HECW1: variants seen among roughly 807,000 people sequenced by gnomAD.
The protein encoded by HECW1 is HECT, C2 and WW domain containing E3 ubiquitin protein ligase 1.
HECW1 carries 61 observed loss-of-function variants against 182.3 expected under a neutral mutation model. The ratio of observed to expected loss-of-function variants is 0.33; its 90% CI spans 0.27 to 0.41. The LOEUF (loss-of-function observed/expected upper bound fraction) is 0.41. Among genes scored for constraint, HECW1 ranks in the 10% least tolerant of loss-of-function variants. The pLI is 1.00. For synonymous variants in HECW1, 859 were observed against 832.6 expected (o/e 1.03, Z -0.55); for missense variants, 1,739 against 2,108.9 (o/e 0.82, Z 3.44).
intron 3 of HECW1, among the ~76,000 whole-genome samples, chr7:43,256,706 A>C (rs1296659375): frequency 2.6e-5 from 4 of 152,152 alleles, no homozygotes; most frequent in African/African-American, 9.7e-5. Context: ...TAAGTAGTAC[A>C]TTAGCTTAAT....
intron 2 of HECW1, among the ~76,000 whole-genome samples, chr7:43,234,403 A>G (rs1798128922): frequency 6.6e-6 from 1 of 152,106 alleles, no homozygotes; most frequent in South Asian, 2.1e-4. Context: ...GAAGCCTAAC[A>G]CAACCCGGCC....
At chr7:43,365,414 A>C (rs1816509056) in intron 6 of HECW1, among the ~76,000 whole-genome samples, 1 of 150,690 alleles carries the variant, frequency 6.6e-6, no homozygotes, top group African/African-American at 2.5e-5. Context: ...AGCAATCGGG[A>C]AAGGCCACCA....
chr7:43,247,973 GGAAA>G (rs138377876), intron 3 of HECW1, among the ~76,000 whole-genome samples: 20,616 of 127,920 alleles, frequency 0.16, 2,579 homozygotes, highest in African/African-American at 0.25. Flanking sequence ...AAAAGAGAAA[GGAAA>G]GAAGGAAGGA....
At chr7:43,420,750 G>T (rs1207879666) in intron 8 of HECW1, among the ~76,000 whole-genome samples, 1 of 152,164 alleles carries the variant, frequency 6.6e-6, no homozygotes, top group Non-Finnish European at 1.5e-5. Context: ...TGCAGAGGAG[G>T]AATATGGTTA....
chr7:43,526,680 C>T (rs1487477225), intron 24 of HECW1, among the ~76,000 whole-genome samples: 1 of 152,230 alleles, frequency 6.6e-6, no homozygotes, highest in African/African-American at 2.4e-5. Context: ...TCTAAACCTT[C>T]ACCTTCCTGT....
chr7:43,159,662 T>C (rs1790300661), intron 2 of HECW1, among the ~76,000 whole-genome samples: 1 of 151,248 alleles, frequency 6.6e-6, no homozygotes, highest in African/African-American at 2.4e-5. Flanking sequence ...TGAAAGCATT[T>C]CCTATTTCCT....
At position 43,562,820 on chromosome 7, in the gene HECW1, A is replaced by G. The variant is rs532688290; in HGVS notation, c.*894A>G. Reference sequence around the variant, plus strand: ...TGGCAATGCCAACTGGAGAAAGGGAAGAAGGACATATTACCTTGGTTTGAA... The same window carrying G: ...TGGCAATGCCAACTGGAGAAAGGGAGGAAGGACATATTACCTTGGTTTGAA... On this transcript the variant is annotated 3_prime_UTR_variant, in exon 30 of 30. Transcript: ENST00000395891. 85 of 216,920 alleles carry G rather than the reference A, an allele frequency of 3.9e-4. 1 individual carries two copies. The South Asian group carries it at 0.015, about 39-fold the overall frequency. 13.4% of individuals were successfully genotyped at this position (216,920 alleles called of 1,614,324 possible).
At chr7:43,521,560 C>T (rs1045571455) in intron 24 of HECW1, among the ~76,000 whole-genome samples, 1 of 152,162 alleles carries the variant, frequency 6.6e-6, no homozygotes, top group Non-Finnish European at 1.5e-5. Flanking sequence ...TGAAACTTAA[C>T]CCCCAAGGTG....
chr7:43,351,546 G>A (rs1814451641), intron 5 of HECW1, among the ~76,000 whole-genome samples: 1 of 152,128 alleles, frequency 6.6e-6, no homozygotes, highest in South Asian at 2.1e-4. Flanking sequence ...TGTGGCTGCT[G>A]TGGGGGATGG....
intron 7 of HECW1, among the ~76,000 whole-genome samples, chr7:43,403,170 A>T (rs1482657159): frequency 1.3e-5 from 2 of 152,230 alleles, no homozygotes; most frequent in Non-Finnish European, 2.9e-5. Context: ...GATTAACAAG[A>T]GAAAAACAAA....
intron 5 of HECW1, among the ~76,000 whole-genome samples, chr7:43,353,661 T>A (rs929709267): frequency 6.6e-6 from 1 of 152,058 alleles, no homozygotes; most frequent in Non-Finnish European, 1.5e-5. Context: ...TGGCACCAAG[T>A]GCATGGAAAA....
At chr7:43,292,045 A>G (rs1805462096) in intron 3 of HECW1, among the ~76,000 whole-genome samples, 3 of 152,224 alleles carry the variant, frequency 2.0e-5, no homozygotes, top group Admixed American at 2.0e-4. Context: ...GCTGAGAGAG[A>G]GAAACTCTTA....
intron 24 of HECW1, among the ~76,000 whole-genome samples, chr7:43,533,408 C>A (rs2081065710): frequency 6.6e-6 from 1 of 152,102 alleles, no homozygotes; most frequent in African/African-American, 2.4e-5. Context: ...TGTCAACCTA[C>A]AGGTGGTAGG....
intron 6 of HECW1, among the ~76,000 whole-genome samples, chr7:43,373,531 C>T (rs1210986877): frequency 6.6e-6 from 1 of 151,914 alleles, no homozygotes; most frequent in Non-Finnish European, 1.5e-5. Context: ...TTATTTTTTT[C>T]TTTGCCTGTG....
chr7:43,504,980 G>A (rs1315719182), intron 21 of HECW1, among the ~76,000 whole-genome samples: 1 of 152,176 alleles, frequency 6.6e-6, no homozygotes, highest in Non-Finnish European at 1.5e-5. Flanking sequence ...CCGGCAGCGT[G>A]TAACATGACC....
chr7:43,277,524 C>T (rs528965299), intron 3 of HECW1, among the ~76,000 whole-genome samples: 14 of 152,254 alleles, frequency 9.2e-5, no homozygotes, highest in South Asian at 2.1e-4. Context: ...CTGTATTCTC[C>T]GCCATGACTG....
chr7:43,406,826 G>A (rs1237907864), intron 7 of HECW1, among the ~76,000 whole-genome samples: 1 of 152,102 alleles, frequency 6.6e-6, no homozygotes, highest in African/African-American at 2.4e-5. Context: ...GCTGAGGCAG[G>A]AAGAAATGCT....
chr7:43,244,069 A>G (rs1799136374), intron 3 of HECW1, 137 bp downstream of exon 3: 2 of 754,014 alleles, frequency 2.7e-6, no homozygotes, highest in Admixed American at 3.8e-5. Context: ...GTGGCTGGAC[A>G]TTTGAGATCC....
rs2076976412 is a variant in HECW1, at chr7:43,444,307, G to A, written c.1135G>A (p.Glu379Lys). 1 of 1,614,204 alleles carries A rather than the reference G, an allele frequency of 6.2e-7. No homozygotes were observed. Among genetic ancestry groups the A allele is most frequent in the African/African-American group, 1.3e-5 (1 of 75,054 alleles). The stretch of plus-strand genomic sequence containing the variant: ...CAACCTGATGGAAAGCGGCAGTGGG[G>A]AACCTCGGTCTGAGGCACCAGAGTC... ...MNNLMESGSG[E>K]PRSEAPESSE... The change falls in exon 11 of 30, where the codon GAA becomes AAA. Residue 379 changes from glutamate (E) to lysine (K), a missense_variant. This residue lies in a region of HECW1 where 971 missense variants were observed against 1,029.1 expected (regional missense o/e 0.94). Coordinates refer to ENST00000395891, the MANE Select transcript of HECW1 (RefSeq NM_015052.5). This position sits in a 1 kb window ranked among gnomAD's most constrained non-coding sequence, Gnocchi z 4.3.
Sources: allele counts gnomAD v4.1 joint callset (sites outside exome capture counted in the v4.1 genomes callset), GRCh38; gene constraint gnomAD v4.1.1; regional missense constraint gnomAD v4.1.1; non-coding constraint Gnocchi (gnomAD v3.1); transcripts MANE v1.5; gene names NCBI Gene and HGNC (gene_info 2026-07-23, HGNC 2026-07-21).